Variants in SRGAP3 observed in about 807,000 individuals in gnomAD.
SRGAP3 encodes the protein SLIT-ROBO Rho GTPase-activating protein 3.
SRGAP3 carries 39 observed loss-of-function variants against 121.1 expected under a neutral mutation model. That is an observed-to-expected ratio of 0.32 (90% CI 0.25 to 0.42). The LOEUF is 0.42. Ranked by LOEUF, SRGAP3 falls within the 10% of genes least tolerant of loss-of-function variation. The probability of loss-of-function intolerance (pLI) is 1.00; values close to 1 mark genes in which losing one functional copy is unlikely to be tolerated. For missense variants in SRGAP3, 1,213 were observed against 1,470.6 expected (o/e 0.82, Z 2.86); for synonymous variants, 601 against 570.0 (o/e 1.05, Z -0.77).
chr3:9,267,961 G>A (rs996416452), intron 3 of SRGAP3, among the ~76,000 whole-genome samples: 4 of 152,178 alleles, frequency 2.6e-5, no homozygotes, highest in African/African-American at 7.2e-5. Context: ...AGGGTTGAAG[G>A]GATTCAGAAG....
chr3:9,013,822 T>C lies in SRGAP3; in HGVS notation c.1834A>G (p.Arg612Gly). Residue 612 changes from arginine (R) to glycine (G), a missense_variant, in exon 16 of 22, where the codon AGG becomes GGG. Transcript: ENST00000383836. ...AGGATTTGTTGGATCTGGTGCACCC[T>C]CTCGGCTGGGTTCTCCAGTTCTGTA... ...STIKLENPAE[R>G]VHQIQQILVT... 6.2e-7 allele frequency: 1 copy of C among 1,614,148 alleles called. No homozygotes were observed. The highest frequency in any genetic ancestry group is 8.5e-7 in the Non-Finnish European group (1 of 1,180,022).
At chr3:9,036,639 C>T (rs1559971431) in intron 11 of SRGAP3, 1 of 152,198 alleles carries the variant, frequency 6.6e-6, no homozygotes, top group Non-Finnish European at 1.5e-5. Context: ...TGAGACCTGG[C>T]CAAGTGTTTG....
intron 14 of SRGAP3, among the ~76,000 whole-genome samples, chr3:9,020,582 C>T (rs1177319908): frequency 6.6e-6 from 1 of 152,166 alleles, no homozygotes; most frequent in Non-Finnish European, 1.5e-5. Flanking sequence ...AAGCATGATT[C>T]GCATATTGAC....
chr3:9,292,638 A>G (rs563302209), intron 3 of SRGAP3: 54 of 152,332 alleles, frequency 3.5e-4, no homozygotes, highest in African/African-American at 1.2e-3. Context: ...GTAACTGCCA[A>G]TCAGATCTTC....
At chr3:9,227,995 G>C (rs979293463) in intron 1 of SRGAP3, among the ~76,000 whole-genome samples, 14 of 152,164 alleles carry the variant, frequency 9.2e-5, no homozygotes, top group Non-Finnish European at 1.5e-4. Context: ...ACATAGAATG[G>C]TTTGTTATGC....
At chr3:9,158,037 G>C (rs1464373629) in intron 1 of SRGAP3, among the ~76,000 whole-genome samples, 1 of 152,206 alleles carries the variant, frequency 6.6e-6, no homozygotes, top group African/African-American at 2.4e-5. Context: ...GTATTATCAA[G>C]AAGTACTGCC....
intron 1 of SRGAP3, among the ~76,000 whole-genome samples, chr3:9,344,731 A>G (rs960558564): frequency 6.6e-6 from 1 of 152,122 alleles, no homozygotes. Context: ...ACCTTTCTAT[A>G]TTTCCTAATA....
At chr3:9,043,215 G>A (rs992520627) in intron 10 of SRGAP3, among the ~76,000 whole-genome samples, 1 of 152,172 alleles carries the variant, frequency 6.6e-6, no homozygotes, top group Non-Finnish European at 1.5e-5. Flanking sequence ...AAGCAGTGGC[G>A]TGATCTTGGC....
intron 14 of SRGAP3, among the ~76,000 whole-genome samples, chr3:9,019,295 G>T (rs1943795371): frequency 6.6e-6 from 1 of 152,144 alleles, no homozygotes; most frequent in Admixed American, 6.6e-5. Context: ...TCTTCACTGG[G>T]GCTATGCCAT....
chr3:9,261,876 T>TAAA (rs34047232), intron 3 of SRGAP3, among the ~76,000 whole-genome samples: 220 of 120,850 alleles, frequency 1.8e-3, no homozygotes, highest in Middle Eastern at 4.5e-3. Context: ...CTCATATATT[T>TAAA]AAAAAAAAAA....
intron 1 of SRGAP3, among the ~76,000 whole-genome samples, chr3:9,230,064 A>G (rs1953141658): frequency 6.6e-6 from 1 of 152,254 alleles, no homozygotes; most frequent in Admixed American, 6.5e-5. Context: ...ATTTAAACCC[A>G]GACTCCAGAG....
chr3:9,243,664 G>T (rs1039468369), intron 1 of SRGAP3, among the ~76,000 whole-genome samples: 1 of 150,652 alleles, frequency 6.6e-6, no homozygotes, highest in African/African-American at 2.5e-5. Context: ...GAGAGAGAGA[G>T]AGAAAAGGGA....
At chr3:9,160,905 A>T (rs1421698992) in intron 1 of SRGAP3, among the ~76,000 whole-genome samples, 1 of 152,222 alleles carries the variant, frequency 6.6e-6, no homozygotes, top group East Asian at 1.9e-4. Context: ...TGTAATGGAT[A>T]TAAACCATTG....
chr3:9,216,419 C>T (rs1952628256), intron 1 of SRGAP3, among the ~76,000 whole-genome samples: 1 of 152,196 alleles, frequency 6.6e-6, no homozygotes. Context: ...CTGCCCCACC[C>T]AAAACACCCT....
chr3:9,086,026 C>T (rs953388933), intron 3 of SRGAP3, among the ~76,000 whole-genome samples: 6 of 152,228 alleles, frequency 3.9e-5, no homozygotes, highest in African/African-American at 1.4e-4. Flanking sequence ...GTAAGGCAGC[C>T]TGCATCACAG....
intron 3 of SRGAP3, among the ~76,000 whole-genome samples, chr3:9,274,401 G>A (rs1231625477): frequency 2.0e-5 from 3 of 152,206 alleles, no homozygotes; most frequent in African/African-American, 7.2e-5. Context: ...ACCCATCATG[G>A]GAGGGGGAGC....
Position 9,318,638 on chromosome 3 carries a change from G to A in SRGAP3, n.442+7372C>T, listed in dbSNP as rs901266457. Among the ~76,000 whole-genome samples the A allele has an allele frequency of 5.3e-5, 8 of 151,246 alleles. 1 individual carries two copies. The highest frequency in any genetic ancestry group is 2.0e-4 in the Admixed American group (3 of 15,220). Reference sequence around the variant, plus strand: ...ACCTGTAATCCCAGCACTTTGAGAGGCTGAGGCAGAGGATCACTTGAGCCC... The same window carrying A: ...ACCTGTAATCCCAGCACTTTGAGAGACTGAGGCAGAGGATCACTTGAGCCC... On this transcript the variant is annotated intron_variant and non_coding_transcript_variant, in intron 3 of 3. Transcript: ENST00000490889.
chr3:9,186,821 C>G (rs17050148), intron 1 of SRGAP3, among the ~76,000 whole-genome samples: 14 of 152,096 alleles, frequency 9.2e-5, no homozygotes, highest in Non-Finnish European at 1.5e-4. Flanking sequence ...GAATAAACAT[C>G]GGGGGCATCT....
intron 1 of SRGAP3, among the ~76,000 whole-genome samples, chr3:9,360,443 AT>A (rs1478239099): frequency 1.5e-4 from 23 of 152,374 alleles, no homozygotes; most frequent in African/African-American, 5.5e-4. Flanking sequence ...CTGTAGTGGA[AT>A]TGGTGAGTAA....
Sources: allele counts gnomAD v4.1 joint callset (sites outside exome capture counted in the v4.1 genomes callset), GRCh38; gene constraint gnomAD v4.1.1; transcripts MANE v1.5; gene names NCBI Gene and HGNC (gene_info 2026-07-23, HGNC 2026-07-21).